Variants in IBTK observed in about 807,000 individuals in gnomAD.
IBTK encodes the protein inhibitor of Bruton tyrosine kinase, also known as BTK-binding protein.
A neutral mutation model predicts 154.9 loss-of-function variants in IBTK; 83 were observed. That is an observed-to-expected ratio of 0.54 (90% CI 0.45 to 0.64). The LOEUF is 0.64. IBTK is among the 30% of genes least tolerant of loss of function. The pLI, the probability that IBTK is intolerant of heterozygous loss-of-function variation, is 0.00. For missense variants in IBTK, 1,332 were observed against 1,584.6 expected, an observed-to-expected ratio of 0.84 and a Z score of 2.71; for synonymous variants, 515 against 536.1, an observed-to-expected ratio of 0.96 and a Z score of 0.54.
chr6:82,196,182 T>C (rs1355546680), intron 22 of IBTK, 116 bp downstream of exon 22: 1 of 832,864 alleles, frequency 1.2e-6, no homozygotes, highest in Non-Finnish European at 1.8e-6. Flanking sequence ...TTGTGATTCT[T>C]ATATACCAAC....
chr6:82,246,131 T>C (rs929073936), intron 1 of IBTK, among the ~76,000 whole-genome samples: 1 of 152,156 alleles, frequency 6.6e-6, no homozygotes, highest in Non-Finnish European at 1.5e-5. Context: ...ACCTATTCTA[T>C]GCTACCAAAC....
intron 2 of IBTK, among the ~76,000 whole-genome samples, chr6:82,235,081 G>A (rs1243290541): frequency 2.6e-5 from 4 of 151,504 alleles, no homozygotes; most frequent in Admixed American, 2.0e-4. Context: ...GGCTGGCCTC[G>A]GACTCCTGAC....
chr6:82,196,034 T>C (rs1316089885), intron 22 of IBTK, among the ~76,000 whole-genome samples: 3 of 152,242 alleles, frequency 2.0e-5, no homozygotes, highest in Non-Finnish European at 4.4e-5. Context: ...AACATGTCTA[T>C]AGTGTTATTA....
chr6:82,190,697 TTA>T (rs1433989361), intron 25 of IBTK, among the ~76,000 whole-genome samples: 3 of 151,700 alleles, frequency 2.0e-5, no homozygotes, highest in African/African-American at 7.3e-5. Context: ...AGTTTTCTTT[TTA>T]TATGTGTCTG....
intron 23 of IBTK, among the ~76,000 whole-genome samples, chr6:82,192,816 T>A (rs1038554319): frequency 6.8e-6 from 1 of 147,262 alleles, no homozygotes; most frequent in Non-Finnish European, 1.5e-5. Flanking sequence ...TAAAAATAAG[T>A]CAGTCAGGCA....
Position 82,214,454 on chromosome 6 carries a change from T to C in IBTK, c.1977A>G (p.Glu659=). Reference sequence around the variant, plus strand: ...AATGAGAATTCAGAGTTCCCTGATATTCTTCTGGGTTTTTGTTTAAGTGTA... The same window carrying C: ...AATGAGAATTCAGAGTTCCCTGATACTCTTCTGGGTTTTTGTTTAAGTGTA... ...PRIHLNKNPE[E]YQGTLNSHLN... Residue 659 remains glutamate, a synonymous_variant, in exon 12 of 29, where the codon GAA becomes GAG. Transcript: ENST00000306270. The C allele has an allele frequency of 6.2e-7, 1 of 1,614,100 alleles. No individual in the cohort carries two copies. Among genetic ancestry groups the C allele is most frequent in the South Asian group, 1.1e-5 (1 of 91,076 alleles).
At chr6:82,189,478 TATACATC>T (rs1768682154) in intron 25 of IBTK, among the ~76,000 whole-genome samples, 1 of 152,290 alleles carries the variant, frequency 6.6e-6, no homozygotes, top group Non-Finnish European at 1.5e-5. Context: ...ATATATGTCT[TATACATC>T]CTTTATCAGA....
At chr6:82,188,331 T>C (rs1230010965) in intron 25 of IBTK, among the ~76,000 whole-genome samples, 2 of 152,356 alleles carry the variant, frequency 1.3e-5, no homozygotes, top group East Asian at 1.9e-4. Context: ...GATTGGTTTA[T>C]TTTGTTCAAT....
intron 11 of IBTK, among the ~76,000 whole-genome samples, 188 bp downstream of exon 11, chr6:82,215,886 ATC>A (rs1381836717): frequency 1.3e-5 from 2 of 152,126 alleles, no homozygotes; most frequent in Non-Finnish European, 2.9e-5. Flanking sequence ...GGAAACATTC[ATC>A]ACTCCAAGTA....
At chr6:82,220,763 CAT>C (rs1770068130) in intron 8 of IBTK, 50 bp from the exon 9 acceptor site, 1 of 1,367,006 alleles carries the variant, frequency 7.3e-7, no homozygotes, top group Non-Finnish European at 9.8e-7. Context: ...CTAAACTACA[CAT>C]GCCTAAACTT....
intron 1 of IBTK, among the ~76,000 whole-genome samples, chr6:82,243,387 T>C (rs1330830316): frequency 6.6e-6 from 1 of 152,220 alleles, no homozygotes; most frequent in Non-Finnish European, 1.5e-5. Flanking sequence ...CAATCAACCA[T>C]AGTCCAAAAA....
intron 19 of IBTK, 92 bp from the exon 20 acceptor site, chr6:82,200,800 C>A (rs1769182840): frequency 1.5e-6 from 2 of 1,324,598 alleles, no homozygotes; most frequent in East Asian, 3.0e-5. Context: ...GTGGCTCTTG[C>A]CATGTTGGCC....
intron 2 of IBTK, among the ~76,000 whole-genome samples, chr6:82,234,612 C>A (rs1194015172): frequency 6.6e-6 from 1 of 152,074 alleles, no homozygotes; most frequent in African/African-American, 2.4e-5. Flanking sequence ...GCTGGGATTA[C>A]AGGCTGAGCC....
rs182801124 is a variant in IBTK at position 82,181,322 on chromosome 6, T to A, written c.3725+557A>T. 1.5e-3 allele frequency among the ~76,000 whole-genome samples: 230 copies of A among 152,344 alleles called. 2 individuals carry two copies. Among genetic ancestry groups the A allele is most frequent in the Middle Eastern group, 0.01 (3 of 294 alleles). ...TGCACAGATAAACACATTGATGTGG[T>A]ATACCCATACAATGAAATACTATTC... On this transcript the variant is annotated intron_variant, in intron 26 of 28. Coordinates refer to ENST00000306270, the MANE Select transcript of IBTK (RefSeq NM_015525.4).
chr6:82,191,682 A>T, intron 24 of IBTK, 105 bp downstream of exon 24: 1 of 773,020 alleles, frequency 1.3e-6, no homozygotes. Context: ...ATAATTAACT[A>T]TAACATCAAA....
In IBTK at chr6:82,175,199, A is replaced by G. The variant is rs115732626; in HGVS notation, c.3726-1761T>C. ...CGACTGAAACAGAAACTCAAAGGGT[A>G]TTTTTTTAGTATACGATAATGAAAA... On this transcript the variant is annotated intron_variant, in intron 26 of 28. Transcript: ENST00000306270. Among the ~76,000 whole-genome samples the G allele has an allele frequency of 9.7e-3, 1,475 of 152,250 alleles. 21 individuals are homozygous for G. The highest frequency in any genetic ancestry group is 0.033 in the African/African-American group (1,363 of 41,542).
At chr6:82,235,497 G>A (rs1401187422) in intron 2 of IBTK, among the ~76,000 whole-genome samples, 1 of 151,978 alleles carries the variant, frequency 6.6e-6, no homozygotes, top group Non-Finnish European at 1.5e-5. Context: ...GGGAGGCTGA[G>A]GCAGAAGAAT....
At chr6:82,191,026 AG>A in intron 25 of IBTK, 46 bp downstream of exon 25, 3 of 1,383,724 alleles carry the variant, frequency 2.2e-6, no homozygotes, top group Non-Finnish European at 1.9e-6. Flanking sequence ...CTACCTTAAA[AG>A]CAAATGCACA....
chr6:82,173,338 G>A, intron 27 of IBTK, 29 bp downstream of exon 27: 1 of 1,520,776 alleles, frequency 6.6e-7, no homozygotes, highest in African/African-American at 1.4e-5. Context: ...CTTAGCTTTG[G>A]AGGCCCATAA....
Sources: gnomAD v4.1 joint callset for allele counts (sites outside exome capture counted in the v4.1 genomes callset) on GRCh38, gnomAD v4.1.1 for gene constraint, MANE v1.5 for transcripts, NCBI Gene and HGNC (gene_info 2026-07-23, HGNC 2026-07-21) for gene names.